EPB41L4A: variants seen among roughly 807,000 people sequenced by gnomAD.
EPB41L4A encodes erythrocyte membrane protein band 4.1 like 4A, also known as band 4.1-like protein 4A.
A neutral mutation model predicts 108.6 loss-of-function variants in EPB41L4A; 100 were observed. The observed-to-expected ratio is 0.92, with a 90% confidence interval of 0.78 to 1.09. The LOEUF is 1.09. Among genes scored for constraint, EPB41L4A ranks in the 50% least tolerant of loss-of-function variants. The probability of loss-of-function intolerance (pLI) is 0.00; values close to 1 mark genes in which losing one functional copy is unlikely to be tolerated. For missense variants in EPB41L4A, 1,030 were observed against 842.7 expected, an observed-to-expected ratio of 1.22 and a Z score of -2.75; for synonymous variants, 319 against 289.0, an observed-to-expected ratio of 1.10 and a Z score of -1.05.
intron 1 of EPB41L4A, among the ~76,000 whole-genome samples, chr5:112,387,965 A>G (rs1760672986): frequency 6.6e-6 from 1 of 152,246 alleles, no homozygotes; most frequent in East Asian, 1.9e-4. Context: ...AGAAAAAGGA[A>G]GTAAAGTATC....
chr5:112,171,211 T>C (rs899014724), intron 18 of EPB41L4A, among the ~76,000 whole-genome samples: 3 of 152,174 alleles, frequency 2.0e-5, no homozygotes, highest in Non-Finnish European at 4.4e-5. Context: ...AACCCAGTCA[T>C]AACCAGAGCT....
rs1754815861 is a variant in EPB41L4A at position 112,308,198 on chromosome 5, T to C, written c.100-708A>G. Among the ~76,000 whole-genome samples, 5 of 152,158 alleles carry C rather than the reference T, an allele frequency of 3.3e-5. No individual in the cohort carries two copies. In the South Asian group the frequency reaches 1.0e-3, roughly 32 times the overall value. On this transcript the variant is annotated intron_variant, in intron 1 of 22. Coordinates refer to ENST00000261486, the MANE Select transcript of EPB41L4A (RefSeq NM_022140.5). The stretch of plus-strand genomic sequence containing the variant: ...ATACTAAAAATCAATTATTCACACA[T>C]GTAAGAAACACTTGTATAGATACAG...
Position 112,163,166 on chromosome 5 carries a change from G to A in EPB41L4A, c.*1824C>T, listed in dbSNP as rs1356541875. The A allele has an allele frequency of 6.6e-6, 1 of 152,240 alleles. No individual in the cohort carries two copies. The highest frequency in any genetic ancestry group is 2.4e-5 in the African/African-American group (1 of 41,458). 9.4% of individuals were successfully genotyped at this position (152,240 alleles called of 1,614,324 possible). On this transcript the variant is annotated 3_prime_UTR_variant, in exon 23 of 23. Transcript: ENST00000261486. ...CTAGACAAGAGACCAGCTTGGACTA[G>A]TAAAATTAGTGAAATAAGATCGTTT...
intron 1 of EPB41L4A, among the ~76,000 whole-genome samples, chr5:112,350,382 G>A (rs914917429): frequency 2.6e-5 from 4 of 152,086 alleles, no homozygotes; most frequent in African/African-American, 9.7e-5. Context: ...CATGTATGGG[G>A]GACATGTGCT....
intron 1 of EPB41L4A, among the ~76,000 whole-genome samples, chr5:112,365,601 C>T (rs1281159771): frequency 6.6e-6 from 1 of 152,158 alleles, no homozygotes. Flanking sequence ...TACCATGGTA[C>T]GTTTGTTACA....
chr5:112,409,657 T>C (rs1206617431), intron 1 of EPB41L4A, among the ~76,000 whole-genome samples: 2 of 152,172 alleles, frequency 1.3e-5, no homozygotes, highest in Non-Finnish European at 2.9e-5. Flanking sequence ...CATTTATTCA[T>C]TGATGCCTAC....
chr5:112,325,718 T>C (rs1463734212), intron 1 of EPB41L4A, among the ~76,000 whole-genome samples: 1 of 152,206 alleles, frequency 6.6e-6, no homozygotes, highest in African/African-American at 2.4e-5. Context: ...GTTGGGGACG[T>C]AGGTTTCATC....
At chr5:112,142,092 T>C (rs1317197019), downstream of EPB41L4A, among the ~76,000 whole-genome samples, 2 of 152,172 alleles carry the variant, frequency 1.3e-5, no homozygotes, top group Non-Finnish European at 2.9e-5. Context: ...CTCTTCCCCA[T>C]ATTTTACCCT....
At chr5:112,349,846 G>A (rs1445173214) in intron 1 of EPB41L4A, among the ~76,000 whole-genome samples, 1 of 152,160 alleles carries the variant, frequency 6.6e-6, no homozygotes, top group Non-Finnish European at 1.5e-5. Context: ...TGGTCAAAGA[G>A]GAATGATGAG....
At chr5:112,282,811 T>C (rs1400097266) in intron 2 of EPB41L4A, among the ~76,000 whole-genome samples, 1 of 152,208 alleles carries the variant, frequency 6.6e-6, no homozygotes, top group African/African-American at 2.4e-5. Flanking sequence ...CTGAAACTAG[T>C]AAGGGGCAGA....
At chr5:112,187,308 A>G (rs1761477174) in intron 17 of EPB41L4A, among the ~76,000 whole-genome samples, 1 of 152,210 alleles carries the variant, frequency 6.6e-6, no homozygotes, top group South Asian at 2.1e-4. Flanking sequence ...CAATTTCTCC[A>G]TCTGTAACTA....
chr5:112,263,970 G>C lies in EPB41L4A; in HGVS notation c.554+926C>G, dbSNP rs62364132. ...TGAGATTACAGGCACATGCCACCACGCCCGGCTAATTTTTGTATTTTTAGT... is the reference window on the plus strand; with the variant it reads ...TGAGATTACAGGCACATGCCACCACCCCCGGCTAATTTTTGTATTTTTAGT... On this transcript the variant is annotated intron_variant, in intron 6 of 22. Coordinates refer to ENST00000261486, the MANE Select transcript of EPB41L4A (RefSeq NM_022140.5). The C allele has an allele frequency of 6.2e-3, 949 of 152,048 alleles. 3 individuals carry two copies. Among genetic ancestry groups the C allele is most frequent in the Non-Finnish European group, 0.01 (681 of 68,062 alleles). The allele number at this position is 152,048 out of a possible 1,614,324, so 9.4% of individuals were successfully genotyped here. A position where few individuals can be genotyped will look rare whatever the true frequency, so the allele number is the denominator to read the frequency against.
chr5:112,274,199 G>C (rs919181062), intron 4 of EPB41L4A, among the ~76,000 whole-genome samples: 2 of 152,184 alleles, frequency 1.3e-5, no homozygotes, highest in African/African-American at 4.8e-5. Context: ...AGGATTCTGT[G>C]AACCCAGGAG....
At chr5:112,355,076 T>C (rs1758284224) in intron 1 of EPB41L4A, among the ~76,000 whole-genome samples, 1 of 152,176 alleles carries the variant, frequency 6.6e-6, no homozygotes, top group Non-Finnish European at 1.5e-5. Flanking sequence ...TAGGTTGCAG[T>C]TTTGTTGTTT....
At chr5:112,206,356 C>T (rs1461209457) in intron 13 of EPB41L4A, among the ~76,000 whole-genome samples, 2 of 146,612 alleles carry the variant, frequency 1.4e-5, no homozygotes, top group Non-Finnish European at 3.0e-5. Context: ...GGAAAGATGA[C>T]GAGGTATTAA....
At chr5:112,329,501 T>A (rs1257610390) in intron 1 of EPB41L4A, among the ~76,000 whole-genome samples, 1 of 152,212 alleles carries the variant, frequency 6.6e-6, no homozygotes, top group Non-Finnish European at 1.5e-5. Flanking sequence ...AACTGCCACT[T>A]AATCTCTCTG....
chr5:112,225,960 C>A (rs2150346572), intron 12 of EPB41L4A, among the ~76,000 whole-genome samples: 1 of 152,354 alleles, frequency 6.6e-6, no homozygotes, highest in East Asian at 1.9e-4. Flanking sequence ...CTACTATCTG[C>A]AGAGTGTCTA....
chr5:112,171,518 A>G (rs756730675), intron 18 of EPB41L4A, among the ~76,000 whole-genome samples: 2 of 152,256 alleles, frequency 1.3e-5, no homozygotes, highest in Non-Finnish European at 2.9e-5. Context: ...AACTTGGGCC[A>G]GCAAATGCTA....
intron 2 of EPB41L4A, among the ~76,000 whole-genome samples, chr5:112,294,303 G>C (rs1753853739): frequency 6.6e-6 from 1 of 152,192 alleles, no homozygotes. Flanking sequence ...GGAGGTGTGG[G>C]AATGCTCTTG....
Sources: allele counts gnomAD v4.1 joint callset (sites outside exome capture counted in the v4.1 genomes callset), GRCh38; gene constraint gnomAD v4.1.1; transcripts MANE v1.5; gene names NCBI Gene and HGNC (gene_info 2026-07-23, HGNC 2026-07-21).